Variants in KCNMB4 observed in about 807,000 individuals in gnomAD.
The protein encoded by KCNMB4 is calcium-activated potassium channel subunit beta-4.
A neutral mutation model predicts 20.7 loss-of-function variants in KCNMB4; 3 were observed. The ratio of observed to expected loss-of-function variants is 0.14; its 90% CI spans 0.07 to 0.37. The LOEUF (loss-of-function observed/expected upper bound fraction) is 0.37, where lower values mean the gene tolerates loss of function less well. KCNMB4 is among the 10% of genes least tolerant of loss of function. The probability of loss-of-function intolerance (pLI) is 1.00; values close to 1 mark genes in which losing one functional copy is unlikely to be tolerated. For synonymous variants in KCNMB4, 110 were observed against 113.4 expected, an observed-to-expected ratio of 0.97 and a Z score of 0.19; for missense variants, 168 against 265.9, an observed-to-expected ratio of 0.63 and a Z score of 2.56.
At chr12:70,402,217 T>G (rs1016107748) in intron 2 of KCNMB4, among the ~76,000 whole-genome samples, 2 of 152,194 alleles carry the variant, frequency 1.3e-5, no homozygotes, top group Non-Finnish European at 2.9e-5. Context: ...GATATCACCT[T>G]CTCTGGGGTG....
chr12:70,414,519 G>T (rs1868865158), intron 2 of KCNMB4, among the ~76,000 whole-genome samples: 1 of 152,130 alleles, frequency 6.6e-6, no homozygotes. Context: ...TCACTGTTGG[G>T]AACAGATTTG....
At chr12:70,417,401 C>G (rs1323689084) in intron 2 of KCNMB4, among the ~76,000 whole-genome samples, 3 of 152,144 alleles carry the variant, frequency 2.0e-5, no homozygotes, top group Non-Finnish European at 4.4e-5. Flanking sequence ...AGCACCTAAA[C>G]AGGGATGGGG....
chr12:70,397,657 G>A (rs1194127842), intron 1 of KCNMB4, among the ~76,000 whole-genome samples: 1 of 152,134 alleles, frequency 6.6e-6, no homozygotes, highest in Non-Finnish European at 1.5e-5. Context: ...GCATGTCAAT[G>A]TAATTCTTCT....
intron 1 of KCNMB4, among the ~76,000 whole-genome samples, chr12:70,367,703 A>G (rs990159062): frequency 6.6e-6 from 1 of 152,032 alleles, no homozygotes; most frequent in Non-Finnish European, 1.5e-5. Flanking sequence ...ATAGATTCTC[A>G]AAAGAGTCTA....
At chr12:70,423,670 G>A (rs1008363068) in intron 2 of KCNMB4, among the ~76,000 whole-genome samples, 2 of 152,024 alleles carry the variant, frequency 1.3e-5, no homozygotes, top group African/African-American at 4.8e-5. Flanking sequence ...TAGAGACAGG[G>A]TCTCCCTATG....
intron 2 of KCNMB4, among the ~76,000 whole-genome samples, chr12:70,413,395 A>T (rs1868834067): frequency 6.6e-6 from 1 of 152,208 alleles, no homozygotes; most frequent in African/African-American, 2.4e-5. Flanking sequence ...GGGAGGAAAA[A>T]TACAAGAACC....
At chr12:70,378,179 CTCCTGACCTCAAAT>C (rs1883721116) in intron 1 of KCNMB4, among the ~76,000 whole-genome samples, 1 of 152,020 alleles carries the variant, frequency 6.6e-6, no homozygotes, top group Admixed American at 6.6e-5. Context: ...TGGTCTCAAA[CTCCTGACCTCAAAT>C]GATCTGCCTG....
intron 2 of KCNMB4, among the ~76,000 whole-genome samples, chr12:70,416,786 G>A (rs896541583): frequency 7.2e-5 from 11 of 152,084 alleles, no homozygotes; most frequent in Non-Finnish European, 1.6e-4. Context: ...TTAGGGGTTA[G>A]GATGAATGAT....
At chr12:70,368,279 C>T (rs1451950790) in intron 1 of KCNMB4, among the ~76,000 whole-genome samples, 2 of 152,032 alleles carry the variant, frequency 1.3e-5, no homozygotes, top group African/African-American at 2.4e-5. Flanking sequence ...CTTACCGTCA[C>T]TCTGCAATAA....
chr12:70,424,370 G>A (rs1869151183), intron 2 of KCNMB4, among the ~76,000 whole-genome samples: 1 of 149,672 alleles, frequency 6.7e-6, no homozygotes, highest in Non-Finnish European at 1.5e-5. Context: ...TCAATGTAAA[G>A]AATACTGCAA....
intron 2 of KCNMB4, among the ~76,000 whole-genome samples, chr12:70,405,603 A>G (rs545593154): frequency 6.6e-6 from 1 of 152,306 alleles, no homozygotes; most frequent in East Asian, 1.9e-4. Context: ...TAAAAGTAGA[A>G]CTACTGTATG....
At chr12:70,417,328 G>T (rs1287727106) in intron 2 of KCNMB4, among the ~76,000 whole-genome samples, 1 of 152,154 alleles carries the variant, frequency 6.6e-6, no homozygotes, top group African/African-American at 2.4e-5. Context: ...TTCCTAGCAT[G>T]CTGGGTCTGA....
intron 2 of KCNMB4, among the ~76,000 whole-genome samples, chr12:70,407,507 G>T (rs1472682360): frequency 2.6e-5 from 3 of 113,582 alleles, no homozygotes; most frequent in Non-Finnish European, 4.9e-5. Context: ...TCACTCTGTC[G>T]CCCAGGCTGG....
rs548034201 is a variant in KCNMB4 at position 70,410,714 on chromosome 12, A to G, written c.464+10378A>G. 2.6e-5 allele frequency among the ~76,000 whole-genome samples: 4 copies of G among 152,336 alleles called. No homozygotes were observed. In the East Asian group the frequency reaches 7.7e-4, roughly 29 times the overall value. On this transcript the variant is annotated intron_variant, in intron 2 of 2. Coordinates refer to ENST00000258111, the MANE Select transcript of KCNMB4 (RefSeq NM_014505.6). ...GATTTCTAACAACTAAGTTAGAAAC[A>G]AAGTTGGGCCTGGTTATTTACTGAT...
intron 2 of KCNMB4, among the ~76,000 whole-genome samples, chr12:70,413,930 G>C (rs1050891412): frequency 6.6e-6 from 1 of 152,136 alleles, no homozygotes; most frequent in South Asian, 2.1e-4. Context: ...GAGAGTTTCT[G>C]TCTGGTGAGA....
rs554065979 is a variant in KCNMB4 at position 70,400,438 on chromosome 12, G to A, written c.464+102G>A. The A allele has an allele frequency of 2.4e-3, 2,894 of 1,192,954 alleles. 7 individuals carry two copies. The highest frequency in any genetic ancestry group is 3.0e-3 in the Non-Finnish European group (2,605 of 865,738). 73.9% of individuals were successfully genotyped at this position (1,192,954 alleles called of 1,614,324 possible). On this transcript the variant is annotated intron_variant, in intron 2 of 2. Transcript: ENST00000258111. ...ATGCCCACTTGACAGCATGGAGATA[G>A]CCTCAACTCTTCTTTGCGTGTAATT...
chr12:70,424,735 A>G (rs1020776981), intron 2 of KCNMB4, among the ~76,000 whole-genome samples: 8 of 151,172 alleles, frequency 5.3e-5, no homozygotes, highest in African/African-American at 1.9e-4. Flanking sequence ...GGGCGACAAG[A>G]GCAAAACTCC....
chr12:70,374,307 A>T (rs1883649319), intron 1 of KCNMB4, among the ~76,000 whole-genome samples: 1 of 152,184 alleles, frequency 6.6e-6, no homozygotes, highest in African/African-American at 2.4e-5. Context: ...ATGAATGAAG[A>T]TGTCAAGTTT....
intron 1 of KCNMB4, among the ~76,000 whole-genome samples, chr12:70,378,864 A>G (rs11178209): frequency 0.24 from 36,333 of 152,108 alleles, 4,788 homozygotes; most frequent in East Asian, 0.5. Flanking sequence ...ATAATAAGAC[A>G]TGAAAGTCGA....
Sources: allele counts gnomAD v4.1 joint callset (sites outside exome capture counted in the v4.1 genomes callset), GRCh38; gene constraint gnomAD v4.1.1; transcripts MANE v1.5; gene names NCBI Gene and HGNC (gene_info 2026-07-23, HGNC 2026-07-21).